LAMB1: variants seen among roughly 807,000 people sequenced by gnomAD.
LAMB1 encodes laminin subunit beta-1.
In LAMB1, 121 loss-of-function variants were observed where a neutral mutation model predicts 222.3. That is an observed-to-expected ratio of 0.54 (90% CI 0.47 to 0.63). LAMB1 has a LOEUF of 0.63. LAMB1 is among the 30% of genes least tolerant of loss of function. The probability of loss-of-function intolerance (pLI) is 0.00; values close to 1 mark genes in which losing one functional copy is unlikely to be tolerated. For missense variants in LAMB1, 2,172 were observed against 2,240.8 expected (o/e 0.97, Z 0.62); for synonymous variants, 794 against 807.2 (o/e 0.98, Z 0.28).
intron 13 of LAMB1, among the ~76,000 whole-genome samples, chr7:107,966,969 G>C (rs1000052936): frequency 6.6e-6 from 1 of 152,206 alleles, no homozygotes; most frequent in African/African-American, 2.4e-5. Flanking sequence ...GGCTCCTTCA[G>C]TGAACTCATT....
chr7:107,925,564 C>T (rs561951812), intron 32 of LAMB1, among the ~76,000 whole-genome samples: 7 of 152,104 alleles, frequency 4.6e-5, no homozygotes, highest in African/African-American at 1.2e-4. Context: ...CCCACCCCGG[C>T]GCCACCAAGT....
intron 24 of LAMB1, among the ~76,000 whole-genome samples, chr7:107,944,627 A>C (rs1052324183): frequency 5.9e-5 from 9 of 152,156 alleles, no homozygotes; most frequent in African/African-American, 1.9e-4. Flanking sequence ...CTGGCTATTG[A>C]ATTTCCAGAA....
Position 107,935,583 on chromosome 7 carries a change from T to C in LAMB1, c.4020A>G (p.Thr1340=). The change falls in exon 27 of 34, where the codon ACA becomes ACG. Residue 1340 remains threonine, a synonymous_variant. Coordinates refer to ENST00000222399, the MANE Select transcript of LAMB1 (RefSeq NM_002291.3). The part of the protein sequence containing the change: ...EAEERVNAST[T]EPNSTVEQSA... ...ACTGCTCCACAGTGCTGTTGGGTTC[T>C]GTGGTGGAGGCATTCACCCTCTCCT... 1 of 1,614,032 alleles carries C rather than the reference T, an allele frequency of 6.2e-7. No homozygotes were observed. The highest frequency in any genetic ancestry group is 8.5e-7 in the Non-Finnish European group (1 of 1,180,012).
intron 28 of LAMB1, 21 bp downstream of exon 28, chr7:107,932,153 T>C: frequency 1.2e-6 from 2 of 1,611,534 alleles, no homozygotes; most frequent in South Asian, 2.2e-5. Flanking sequence ...TAACAAAAAC[T>C]GAGGCCATCC....
chr7:107,940,781 G>A (rs553436436), intron 24 of LAMB1, among the ~76,000 whole-genome samples: 4 of 152,172 alleles, frequency 2.6e-5, no homozygotes, highest in South Asian at 4.1e-4. Flanking sequence ...CTTCACCTCC[G>A]TCCTGCCTTT....
At chr7:107,969,269 C>T (rs1299374918) in intron 13 of LAMB1, among the ~76,000 whole-genome samples, 1 of 129,732 alleles carries the variant, frequency 7.7e-6, no homozygotes, top group Non-Finnish European at 1.5e-5. Context: ...GCCTGGGCGA[C>T]AGAGCGAGAC....
At chr7:107,974,330 T>C (rs1336318426) in intron 12 of LAMB1, among the ~76,000 whole-genome samples, 2 of 151,622 alleles carry the variant, frequency 1.3e-5, no homozygotes, top group East Asian at 3.8e-4. Context: ...TCCTACTTAA[T>C]CAAGATACTA....
At chr7:107,959,667 T>C (rs2033453947) in intron 19 of LAMB1, 24 bp downstream of exon 19, 2 of 1,614,226 alleles carry the variant, frequency 1.2e-6, no homozygotes, top group South Asian at 1.1e-5. Context: ...AATGAATGCA[T>C]AACAATGCTT....
intron 7 of LAMB1, among the ~76,000 whole-genome samples, chr7:107,981,406 C>CT (rs1563002903): frequency 6.6e-6 from 1 of 151,246 alleles, no homozygotes; most frequent in Non-Finnish European, 1.5e-5. Context: ...CGAGATTGTG[C>CT]CATTGCACTC....
intron 21 of LAMB1, among the ~76,000 whole-genome samples, chr7:107,954,207 T>G (rs942191178): frequency 6.6e-6 from 1 of 152,124 alleles, no homozygotes; most frequent in Non-Finnish European, 1.5e-5. Flanking sequence ...CAGGTTGGAA[T>G]GCAGTGACAT....
chr7:107,980,490 T>G, intron 8 of LAMB1, 119 bp downstream of exon 8: 1 of 778,824 alleles, frequency 1.3e-6, no homozygotes. Context: ...AAGGGCTAAA[T>G]GTAACTCTGT....
chr7:107,950,983 T>A, intron 24 of LAMB1: 6 of 362,876 alleles, frequency 1.7e-5, no homozygotes, highest in Admixed American at 4.2e-5. Flanking sequence ...GAAACAAACT[T>A]TACCCCAGGG....
Position 107,929,595 on chromosome 7 carries a change from A to G in LAMB1, c.4562T>C (p.Ile1521Thr), listed in dbSNP as rs199646967. The change falls in exon 30 of 34, where the codon ATT becomes ACT. Residue 1521 changes from isoleucine to threonine, a missense_variant. Ile to Thr is a moderately conservative substitution (Grantham distance 89). Coordinates refer to ENST00000222399, the MANE Select transcript of LAMB1 (RefSeq NM_002291.3). ...CAATACTTCATTAGCAACTGCTTCA[A>G]TGCTGTCCAAATCAGCACTATCCTC... ...LTQDSADLDSIEAVANEVLKM... is the reference protein window; with the variant it reads ...LTQDSADLDSTEAVANEVLKM... 6.3e-5 allele frequency: 101 copies of G among 1,614,090 alleles called. No homozygotes were observed. Among genetic ancestry groups the G allele is most frequent in the Middle Eastern group, 3.3e-4 (2 of 6,060 alleles).
intron 5 of LAMB1, among the ~76,000 whole-genome samples, chr7:107,992,883 A>G (rs745811752): frequency 1.2e-4 from 18 of 152,200 alleles, no homozygotes; most frequent in Non-Finnish European, 1.5e-4. Flanking sequence ...CAATAGAGCA[A>G]GACTCAGTAT....
intron 29 of LAMB1, among the ~76,000 whole-genome samples, chr7:107,931,081 T>A (rs939484839): frequency 2.0e-5 from 3 of 152,176 alleles, no homozygotes; most frequent in Middle Eastern, 3.4e-3. Context: ...TATACGTAAT[T>A]TCTAACAAAT....
intron 3 of LAMB1, among the ~76,000 whole-genome samples, chr7:108,000,199 A>AG (rs59036590): frequency 3.9e-5 from 1 of 25,380 alleles, no homozygotes; most frequent in Non-Finnish European, 7.3e-5. Context: ...ACCAGAACTC[A>AG]AAAAAAAAAA....
At chr7:107,971,579 C>G (rs568078429) in intron 13 of LAMB1, among the ~76,000 whole-genome samples, 2 of 152,240 alleles carry the variant, frequency 1.3e-5, no homozygotes, top group East Asian at 3.9e-4. Flanking sequence ...CTTTTTTTCC[C>G]CTCCACCAAT....
In LAMB1 at chr7:107,929,118, C is replaced by G; in HGVS notation, c.4833G>C (p.Lys1611Asn). Residue 1611 changes from lysine to asparagine, a missense_variant, in exon 31 of 34, where the codon AAG becomes AAC. Transcript: ENST00000222399. ...EAEKAQVAAE[K>N]AIKQADEDIQ... The stretch of plus-strand genomic sequence containing the variant: ...TGTCTTCATCTGCTTGTTTAATTGC[C>G]TTCTCTGCTGCGACCTGGGCCTTTT... The G allele has an allele frequency of 6.2e-7, 1 of 1,614,056 alleles. No individual in the cohort carries two copies. The highest frequency in any genetic ancestry group is 8.5e-7 in the Non-Finnish European group (1 of 1,180,002).
Position 107,935,601 on chromosome 7 carries a change from C to G in LAMB1, c.4002G>C (p.Arg1334Ser). Residue 1334 changes from arginine to serine, a missense_variant, in exon 27 of 34, where the codon AGG becomes AGC. Transcript: ENST00000222399. ...YFQMSLEAEERVNASTTEPNS... is the reference protein window; with the variant it reads ...YFQMSLEAEESVNASTTEPNS... ...TGGGTTCTGTGGTGGAGGCATTCAC[C>G]CTCTCCTCTGCCTCAAGAGACATCT... The G allele has an allele frequency of 6.2e-7, 1 of 1,613,774 alleles. No individual in the cohort carries two copies. Among genetic ancestry groups the G allele is most frequent in the Non-Finnish European group, 8.5e-7 (1 of 1,179,910 alleles).
Sources: allele counts gnomAD v4.1 joint callset (sites outside exome capture counted in the v4.1 genomes callset), GRCh38; gene constraint gnomAD v4.1.1; transcripts MANE v1.5; gene names NCBI Gene and HGNC (gene_info 2026-07-23, HGNC 2026-07-21).